TCF12: variants seen among roughly 807,000 people sequenced by gnomAD.
The protein encoded by TCF12 is transcription factor 12, also known as DNA-binding protein HTF4.
TCF12 carries 45 observed loss-of-function variants against 86.0 expected under a neutral mutation model. That is an observed-to-expected ratio of 0.52 (90% CI 0.41 to 0.67). TCF12 has a LOEUF of 0.67. Among genes scored for constraint, TCF12 ranks in the 30% least tolerant of loss-of-function variants. The probability of loss-of-function intolerance (pLI) is 0.00; values close to 1 mark genes in which losing one functional copy is unlikely to be tolerated. For missense variants in TCF12, 881 were observed against 859.9 expected, an observed-to-expected ratio of 1.02 and a Z score of -0.31; for synonymous variants, 330 against 299.6, an observed-to-expected ratio of 1.10 and a Z score of -1.05.
intron 3 of TCF12, among the ~76,000 whole-genome samples, chr15:56,969,370 C>T (rs1360249074): frequency 3.3e-5 from 5 of 151,936 alleles, no homozygotes; most frequent in African/African-American, 4.8e-5. Context: ...GGATATATAT[C>T]GGAGGTAGAA....
intron 3 of TCF12, among the ~76,000 whole-genome samples, chr15:57,002,525 A>G (rs1386133021): frequency 1.3e-5 from 2 of 152,214 alleles, no homozygotes; most frequent in Admixed American, 6.5e-5. Flanking sequence ...TTGATTGACT[A>G]TAATTAATTG....
At chr15:57,245,175 C>CT (rs1363576747) in intron 13 of TCF12, among the ~76,000 whole-genome samples, 1 of 152,242 alleles carries the variant, frequency 6.6e-6, no homozygotes, top group Non-Finnish European at 1.5e-5. Flanking sequence ...TGGCCATCAC[C>CT]TATGCTTTGT....
intron 4 of TCF12, among the ~76,000 whole-genome samples, chr15:57,091,184 C>T (rs969908991): frequency 4.6e-5 from 7 of 152,058 alleles, no homozygotes; most frequent in African/African-American, 1.4e-4. Context: ...TGTTCTACTA[C>T]AGTAGTATTA....
chr15:57,110,446 A>G (rs1192642046), intron 5 of TCF12, among the ~76,000 whole-genome samples: 1 of 152,146 alleles, frequency 6.6e-6, no homozygotes, highest in Non-Finnish European at 1.5e-5. Flanking sequence ...TCACATTTTC[A>G]TTTTTAATAC....
At chr15:57,091,756 C>A in intron 4 of TCF12, 33 bp from the exon 5 acceptor site, 1 of 1,531,552 alleles carries the variant, frequency 6.5e-7, no homozygotes, top group Non-Finnish European at 9.0e-7. Flanking sequence ...GCCAAATAAT[C>A]TCTTTAATAC....
At chr15:57,189,614 G>T (rs1309297528) in intron 6 of TCF12, among the ~76,000 whole-genome samples, 1 of 152,172 alleles carries the variant, frequency 6.6e-6, no homozygotes, top group Non-Finnish European at 1.5e-5. Context: ...GGAGAAATTG[G>T]AACCCTTGCA....
At chr15:56,983,848 T>A (rs1372853005) in intron 3 of TCF12, among the ~76,000 whole-genome samples, 1 of 150,768 alleles carries the variant, frequency 6.6e-6, no homozygotes, top group Non-Finnish European at 1.5e-5. Context: ...AAAATAAAAA[T>A]GAAATCAGCC....
intron 5 of TCF12, among the ~76,000 whole-genome samples, chr15:57,165,767 A>G (rs1325994951): frequency 6.6e-6 from 1 of 151,844 alleles, no homozygotes; most frequent in Non-Finnish European, 1.5e-5. Flanking sequence ...TGATCTCCTT[A>G]CCTCGTGATC....
intron 3 of TCF12, among the ~76,000 whole-genome samples, chr15:56,957,354 A>G (rs1194483778): frequency 6.6e-6 from 1 of 152,196 alleles, no homozygotes. Flanking sequence ...CTCTAATTAT[A>G]TATATATAGA....
chr15:57,207,070 A>G (rs1419115913), intron 8 of TCF12, among the ~76,000 whole-genome samples: 1 of 151,978 alleles, frequency 6.6e-6, no homozygotes, highest in African/African-American at 2.4e-5. Flanking sequence ...TCACACCACT[A>G]CACTCCAACC....
chr15:57,196,091 G>A (rs1298654881), intron 7 of TCF12, among the ~76,000 whole-genome samples: 15 of 151,988 alleles, frequency 9.9e-5, no homozygotes, highest in African/African-American at 2.9e-4. Flanking sequence ...TTGGGAGGCC[G>A]AGGCCAGAGA....
intron 3 of TCF12, among the ~76,000 whole-genome samples, chr15:56,982,772 A>G (rs1380258295): frequency 2.0e-5 from 3 of 152,218 alleles, no homozygotes; most frequent in African/African-American, 7.2e-5. Flanking sequence ...TATATCTGCA[A>G]GAGAAACAGT....
Position 57,182,785 on chromosome 15 carries a change from G to T in TCF12, c.391-9373G>T, listed in dbSNP as rs1417205235. 2.6e-5 allele frequency among the ~76,000 whole-genome samples: 4 copies of T among 152,056 alleles called. No homozygotes were observed. The East Asian group carries it at 5.8e-4, about 22-fold the overall frequency. The stretch of plus-strand genomic sequence containing the variant: ...AAACTTGTTTTTTCCAAAAAAATTT[G>T]TTCTCCTTTTTTTCTTTCTTTACTA... On this transcript the variant is annotated intron_variant, in intron 6 of 20. Coordinates refer to ENST00000333725, the MANE Select transcript of TCF12 (RefSeq NM_207037.2).
chr15:56,918,121 C>G, upstream of TCF12: 1 of 443,754 alleles, frequency 2.3e-6, no homozygotes, highest in Non-Finnish European at 4.5e-6. Context: ...TCTCCCGTCT[C>G]CACACGCGCG....
At chr15:57,065,706 T>A (rs2068817987) in intron 4 of TCF12, among the ~76,000 whole-genome samples, 2 of 147,560 alleles carry the variant, frequency 1.4e-5, no homozygotes, top group African/African-American at 5.0e-5. Flanking sequence ...CTTATGTAAT[T>A]TATGATCTTG....
intron 6 of TCF12, among the ~76,000 whole-genome samples, chr15:57,190,810 T>C (rs1321970562): frequency 6.6e-6 from 1 of 152,216 alleles, no homozygotes. Context: ...GGGTTTTCTC[T>C]TAATCATATT....
intron 13 of TCF12, among the ~76,000 whole-genome samples, chr15:57,250,400 A>G (rs149347252): frequency 3.5e-4 from 54 of 152,358 alleles, no homozygotes; most frequent in African/African-American, 1.2e-3. Flanking sequence ...GTAACAACCA[A>G]AATGTCTAGC....
At chr15:57,207,061 C>G (rs778171503) in intron 8 of TCF12, among the ~76,000 whole-genome samples, 1 of 151,790 alleles carries the variant, frequency 6.6e-6, no homozygotes, top group Non-Finnish European at 1.5e-5. Context: ...GAGCTGTGAT[C>G]ACACCACTAC....
chr15:57,051,781 T>C (rs1696894533), intron 3 of TCF12, among the ~76,000 whole-genome samples: 1 of 152,360 alleles, frequency 6.6e-6, no homozygotes, highest in East Asian at 1.9e-4. Context: ...TCAGGTCTTA[T>C]GTTTAAGTCT....
Sources: gnomAD v4.1 joint callset for allele counts (sites outside exome capture counted in the v4.1 genomes callset) on GRCh38, gnomAD v4.1.1 for gene constraint, MANE v1.5 for transcripts, NCBI Gene and HGNC (gene_info 2026-07-23, HGNC 2026-07-21) for gene names.